Variants in ZFAND3 observed in about 807,000 individuals in gnomAD.
ZFAND3 encodes zinc finger AN1-type containing 3.
A neutral mutation model predicts 29.6 loss-of-function variants in ZFAND3; 10 were observed. That is an observed-to-expected ratio of 0.34 (90% confidence interval 0.21 to 0.57). The LOEUF is 0.57. ZFAND3 is among the 20% of genes least tolerant of loss of function. The pLI is 0.86. For missense variants in ZFAND3, 230 were observed against 304.5 expected (o/e 0.76, Z 1.82); for synonymous variants, 128 against 112.6 (o/e 1.14, Z -0.87).
At chr6:37,977,635 A>G (rs1762503071) in intron 2 of ZFAND3, among the ~76,000 whole-genome samples, 1 of 152,090 alleles carries the variant, frequency 6.6e-6, no homozygotes, top group Admixed American at 6.6e-5. Context: ...TGGTGGGAGC[A>G]AACGTCCCTT....
Position 38,152,702 on chromosome 6 carries a change from C to T in ZFAND3, c.*313C>T. 9.4e-7 allele frequency: 1 copy of T among 1,067,092 alleles called. No homozygotes were observed. The highest frequency in any genetic ancestry group is 1.1e-6 in the Non-Finnish European group (1 of 883,722). The allele number at this position is 1,067,092 out of a possible 1,614,324, so 66.1% of individuals were successfully genotyped here. ...CTGCTGGAGTCAAACTTATAAAAAG[C>T]CTTAAGTGGAAAGTGTTCCAGACGG... On this transcript the variant is annotated 3_prime_UTR_variant, in exon 6 of 6. Transcript: ENST00000287218.
At chr6:37,891,346 G>A (rs569471075) in intron 1 of ZFAND3, among the ~76,000 whole-genome samples, 7 of 149,538 alleles carry the variant, frequency 4.7e-5, no homozygotes, top group East Asian at 2.0e-4. Context: ...TTGTTTCAAC[G>A]TAGAGCACCA....
At chr6:38,080,639 T>A (rs533429542) in intron 3 of ZFAND3, among the ~76,000 whole-genome samples, 2 of 152,250 alleles carry the variant, frequency 1.3e-5, no homozygotes, top group East Asian at 3.9e-4. Flanking sequence ...AGGGAGTAGT[T>A]GTCAGACTTT....
At chr6:37,831,386 C>A (rs960758605) in intron 1 of ZFAND3, among the ~76,000 whole-genome samples, 1 of 152,214 alleles carries the variant, frequency 6.6e-6, no homozygotes, top group African/African-American at 2.4e-5. Context: ...CCCCTTTGGC[C>A]ATTTTCCAGA....
intron 2 of ZFAND3, among the ~76,000 whole-genome samples, chr6:37,977,833 TTCCTTCCTTCCTTCCTTC>T (rs1561953804): frequency 1.3e-4 from 17 of 135,688 alleles, no homozygotes; most frequent in African/African-American, 4.7e-4. Flanking sequence ...ATGCTTTTCC[TTCCTTCCTTCCTTCCTTC>T]CTTCCTTCCT....
intron 1 of ZFAND3, among the ~76,000 whole-genome samples, chr6:37,849,644 A>G (rs1764247346): frequency 1.3e-5 from 2 of 152,172 alleles, no homozygotes; most frequent in African/African-American, 4.8e-5. Flanking sequence ...TCCTGACGTC[A>G]GGTGATCCAC....
In ZFAND3 at chr6:38,153,428, C is replaced by A; in HGVS notation, c.*1039C>A. 1.0e-6 allele frequency: 1 copy of A among 985,510 alleles called. No individual in the cohort carries two copies. The highest frequency in any genetic ancestry group is 4.7e-5 in the South Asian group (1 of 21,280). 61.0% of individuals were successfully genotyped at this position (985,510 alleles called of 1,614,324 possible). A position where few individuals can be genotyped will look rare whatever the true frequency, so the allele number is the denominator to read the frequency against. ...CGTGGCCTCCATTCTCGTTTCTATG[C>A]AGCCCCATAGTCCAAGGACACCCAG... is the stretch of plus-strand genomic sequence containing the variant. On this transcript the variant is annotated 3_prime_UTR_variant, in exon 6 of 6. Coordinates refer to ENST00000287218, the MANE Select transcript of ZFAND3 (RefSeq NM_021943.3).
At chr6:37,836,537 C>T (rs1012675472) in intron 1 of ZFAND3, among the ~76,000 whole-genome samples, 2 of 152,170 alleles carry the variant, frequency 1.3e-5, no homozygotes, top group Non-Finnish European at 2.9e-5. Flanking sequence ...GACATCTCTG[C>T]TCCTTGAAGG....
At chr6:37,933,428 C>A (rs1712778664) in intron 2 of ZFAND3, among the ~76,000 whole-genome samples, 1 of 152,124 alleles carries the variant, frequency 6.6e-6, no homozygotes, top group South Asian at 2.1e-4. Flanking sequence ...AAATATTCTG[C>A]TAAGTGGTGA....
chr6:38,103,893 A>G (rs572497854), intron 4 of ZFAND3, among the ~76,000 whole-genome samples: 17 of 152,364 alleles, frequency 1.1e-4, no homozygotes, highest in Middle Eastern at 3.4e-3. Flanking sequence ...TTAAACATCA[A>G]TGCATTGTAA....
chr6:37,841,151 G>A (rs565238734), intron 1 of ZFAND3, among the ~76,000 whole-genome samples: 8 of 152,166 alleles, frequency 5.3e-5, no homozygotes, highest in Admixed American at 2.6e-4. Flanking sequence ...TTATGAAAGA[G>A]GGTAATGAAT....
Position 37,910,490 on chromosome 6 carries a change from TA to T in ZFAND3, c.72-19468del, listed in dbSNP as rs1480676863. Among the ~76,000 whole-genome samples the T allele has an allele frequency of 3.9e-5, 6 of 152,320 alleles. No homozygotes were observed. In the South Asian group the frequency reaches 1.0e-3, roughly 26 times the overall value. ...ATTAAGACTTTTTAAATCTTGCAAA[TA>T]TAAATTGTGTATGTTTATGGTGTAC... On this transcript the variant is annotated intron_variant, in intron 1 of 5. Transcript: ENST00000287218.
chr6:37,867,530 A>G (rs532930165), intron 1 of ZFAND3, among the ~76,000 whole-genome samples: 3 of 152,284 alleles, frequency 2.0e-5, no homozygotes, highest in Non-Finnish European at 4.4e-5. Context: ...TGGCACCCCT[A>G]TTTAAGGAAA....
intron 1 of ZFAND3, among the ~76,000 whole-genome samples, chr6:37,886,629 G>A (rs1430498562): frequency 6.6e-6 from 1 of 152,216 alleles, no homozygotes; most frequent in African/African-American, 2.4e-5. Context: ...AGGTGGTACT[G>A]AGGTACATGT....
In ZFAND3 at chr6:38,053,688, G is replaced by A. The variant is rs542967608; in HGVS notation, c.113-7905G>A. ...CATTCCAGCCTGGATGGCAGAGTGA[G>A]ACTCTGTCTCAAAATAAAAAAGATG... is the stretch of plus-strand genomic sequence containing the variant. On this transcript the variant is annotated intron_variant, in intron 2 of 5. Coordinates refer to ENST00000287218, the MANE Select transcript of ZFAND3 (RefSeq NM_021943.3). Among the ~76,000 whole-genome samples, 29 of 152,270 alleles carry A rather than the reference G, an allele frequency of 1.9e-4. No individual in the cohort carries two copies. In the South Asian group the frequency reaches 5.2e-3, roughly 27 times the overall value.
intron 2 of ZFAND3, among the ~76,000 whole-genome samples, chr6:38,024,391 GA>G (rs1310057754): frequency 6.6e-6 from 1 of 150,990 alleles, no homozygotes. Context: ...AGAATGGCAT[GA>G]ACCCGGGAGG....
At chr6:38,072,267 T>C (rs1764471341) in intron 3 of ZFAND3, among the ~76,000 whole-genome samples, 1 of 152,176 alleles carries the variant, frequency 6.6e-6, no homozygotes, top group Non-Finnish European at 1.5e-5. Flanking sequence ...AGATTCCCAC[T>C]TGCAAGAGAG....
intron 2 of ZFAND3, among the ~76,000 whole-genome samples, chr6:38,058,256 T>C (rs545914062): frequency 1.3e-5 from 2 of 152,328 alleles, no homozygotes; most frequent in African/African-American, 4.8e-5. Flanking sequence ...GATGGTACAG[T>C]GATGACTCAG....
intron 5 of ZFAND3, among the ~76,000 whole-genome samples, chr6:38,124,258 G>A (rs1765587990): frequency 6.6e-6 from 1 of 152,236 alleles, no homozygotes; most frequent in Admixed American, 6.5e-5. Context: ...GAGCCCAGCT[G>A]GCTTCACCCA....
Sources: gnomAD v4.1 joint callset for allele counts (sites outside exome capture counted in the v4.1 genomes callset) on GRCh38, gnomAD v4.1.1 for gene constraint, MANE v1.5 for transcripts, NCBI Gene and HGNC (gene_info 2026-07-23, HGNC 2026-07-21) for gene names.